Variants in IL1RAPL2 observed in about 807,000 individuals in gnomAD.
The protein encoded by IL1RAPL2 is interleukin 1 receptor accessory protein like 2.
A neutral mutation model predicts 44.1 loss-of-function variants in IL1RAPL2; 3 were observed. The ratio of observed to expected loss-of-function variants is 0.07; its 90% CI spans 0.03 to 0.18. IL1RAPL2 has a LOEUF of 0.18. Among genes scored for constraint, IL1RAPL2 ranks in the 10% least tolerant of loss-of-function variants. The pLI is 1.00. For missense variants in IL1RAPL2, 391 were observed against 496.4 expected (o/e 0.79, Z 2.02); for synonymous variants, 181 against 178.8 (o/e 1.01, Z -0.10).
intron 2 of IL1RAPL2, among the ~76,000 whole-genome samples, chrX:104,956,882 A>G (rs2029912411): frequency 9.0e-6 from 1 of 111,546 alleles, no homozygotes; most frequent in Non-Finnish European, 1.9e-5. Flanking sequence ...CTTAAAAAAA[A>G]TTGTAAACCA....
rs367994961 is a variant in IL1RAPL2 at position 105,453,085 on chromosome X, C to A, written c.698-31228C>A. Among the ~76,000 whole-genome samples, 67 of 111,772 alleles carry A rather than the reference C, an allele frequency of 6.0e-4. 1 individual carries two copies. The South Asian group carries it at 0.024, about 40-fold the overall frequency. On this transcript the variant is annotated intron_variant, in intron 5 of 10. Transcript: ENST00000372582. The stretch of plus-strand genomic sequence containing the variant: ...GAGTAACACTGAGATATTCAATGTA[C>A]CCTACCTCCACTGGGAAGTGAAACT...
Position 105,363,277 on chromosome X carries a change from GTATATATATATAATATATA to G in IL1RAPL2, c.697+95768_697+95786del, listed in dbSNP as rs1237535948. On this transcript the variant is annotated intron_variant, in intron 5 of 10. Transcript: ENST00000372582. ...TATACATGTGTTTATATATATGTGT[GTATATATATATAATATATA>G]TATATATATATAATATATATATATA... Among the ~76,000 whole-genome samples, 253 of 81,046 alleles carry G rather than the reference GTATATATATATAATATATA, an allele frequency of 3.1e-3. 2 individuals carry two copies. The highest frequency in any genetic ancestry group is 0.026 in the Middle Eastern group (4 of 152). 70.4% of individuals were successfully genotyped at this position (81,046 alleles called of 115,157 possible).
intron 1 of IL1RAPL2, among the ~76,000 whole-genome samples, chrX:104,615,719 T>C (rs1291226984): frequency 8.9e-6 from 1 of 112,326 alleles, no homozygotes; most frequent in Non-Finnish European, 1.9e-5. Flanking sequence ...ATAGAATGAT[T>C]TATATTCCTT....
chrX:104,785,647 T>A (rs1932794518), intron 2 of IL1RAPL2, among the ~76,000 whole-genome samples: 1 of 111,752 alleles, frequency 8.9e-6, no homozygotes, highest in Non-Finnish European at 1.9e-5. Context: ...CTGCTAGCAT[T>A]TTAAATGCCA....
chrX:105,419,225 A>G (rs143331122), intron 5 of IL1RAPL2, among the ~76,000 whole-genome samples: 3,549 of 111,446 alleles, frequency 0.032, 147 homozygotes, highest in African/African-American at 0.11. Context: ...ATACTGGTAC[A>G]TTTTTCCATA....
rs1327319761 is a variant in IL1RAPL2 at position 105,481,222 on chromosome X, T to G, written c.698-3091T>G. 4.5e-5 allele frequency among the ~76,000 whole-genome samples: 5 copies of G among 112,174 alleles called. No homozygotes were observed. In the East Asian group the frequency reaches 1.4e-3, roughly 31 times the overall value. On this transcript the variant is annotated intron_variant, in intron 5 of 10. Coordinates refer to ENST00000372582, the MANE Select transcript of IL1RAPL2 (RefSeq NM_017416.2). ...CTTATATCCTGTTTTCCTATTCATC[T>G]TGCAAGTGGGGGCTTTTGGTCCCAA...
chrX:104,820,697 G>A (rs1921278062), intron 2 of IL1RAPL2, among the ~76,000 whole-genome samples: 1 of 111,966 alleles, frequency 8.9e-6, no homozygotes, highest in African/African-American at 3.2e-5. Context: ...CTGTAGCACT[G>A]CCAGAAACTC....
At chrX:105,720,989 C>T (rs1169470642) in intron 7 of IL1RAPL2, among the ~76,000 whole-genome samples, 1 of 110,318 alleles carries the variant, frequency 9.1e-6, no homozygotes, top group East Asian at 2.9e-4. Flanking sequence ...TATGTGCATA[C>T]AAAGACATGT....
Position 104,658,903 on chromosome X carries a change from A to C in IL1RAPL2, c.-11A>C. On this transcript the variant is annotated 5_prime_UTR_variant, in exon 2 of 11. Coordinates refer to ENST00000372582, the MANE Select transcript of IL1RAPL2 (RefSeq NM_017416.2). ...TTTTTTTGACTTTTCAGCTGTCAAG[A>C]AAAGTGAAGGATGAAGCCACCATTT... 11 of 1,194,137 alleles carry C rather than the reference A, an allele frequency of 9.2e-6. No homozygotes were observed. Among genetic ancestry groups the C allele is most frequent in the Non-Finnish European group, 1.2e-5 (11 of 881,673 alleles).
chrX:105,454,675 T>C (rs1390295241), intron 5 of IL1RAPL2, among the ~76,000 whole-genome samples: 2 of 111,539 alleles, frequency 1.8e-5, no homozygotes, highest in Admixed American at 1.9e-4. Flanking sequence ...ATCTAACTTA[T>C]ATAGCTTATA....
chrX:105,286,394 T>G (rs1476570589), intron 5 of IL1RAPL2, among the ~76,000 whole-genome samples: 1 of 109,431 alleles, frequency 9.1e-6, no homozygotes, highest in African/African-American at 3.3e-5. Flanking sequence ...TCATTATGAC[T>G]GTTATTTACT....
chrX:104,685,852 C>A (rs1430610870), intron 2 of IL1RAPL2, among the ~76,000 whole-genome samples: 1 of 109,537 alleles, frequency 9.1e-6, no homozygotes, highest in South Asian at 4.0e-4. Context: ...GGCGGGAACT[C>A]GAGAGGTGGA....
rs1330020718 is a variant in IL1RAPL2, at chrX:105,670,121, ATATATATATATATATATATATATAT to A, written c.773-47245_773-47221del. On this transcript the variant is annotated intron_variant, in intron 6 of 10. Transcript: ENST00000372582. ...GGGTTTCCTGTATATATATATATATATATATATATATATATATATATATATATCTCCACCAGACCACACAGTCTTG... is the reference window on the plus strand; with the variant it reads ...GGGTTTCCTGTATATATATATATATAATCTCCACCAGACCACACAGTCTTG... Among the ~76,000 whole-genome samples, 28 of 41,001 alleles carry A rather than the reference ATATATATATATATATATATATATAT, an allele frequency of 6.8e-4. 1 individual carries two copies. The highest frequency in any genetic ancestry group is 9.3e-4 in the Non-Finnish European group (20 of 21,406). 35.6% of individuals were successfully genotyped at this position (41,001 alleles called of 115,157 possible). A position where few individuals can be genotyped will look rare whatever the true frequency, so the allele number is the denominator to read the frequency against.
chrX:104,866,924 A>G (rs575958812), intron 2 of IL1RAPL2, among the ~76,000 whole-genome samples: 1 of 111,259 alleles, frequency 9.0e-6, no homozygotes, highest in South Asian at 3.8e-4. Flanking sequence ...CCTAGTATAT[A>G]GCAAAGATTC....
At chrX:105,423,881 A>AT (rs2035790289) in intron 5 of IL1RAPL2, among the ~76,000 whole-genome samples, 1 of 109,442 alleles carries the variant, frequency 9.1e-6, no homozygotes, top group African/African-American at 3.3e-5. Context: ...AAAAAAAAAA[A>AT]GGGTGTTGAC....
intron 3 of IL1RAPL2, among the ~76,000 whole-genome samples, chrX:105,212,130 G>GTGAGCGGGAGT (rs782778355): frequency 3.6e-5 from 4 of 111,937 alleles, no homozygotes; most frequent in Non-Finnish European, 5.6e-5. Flanking sequence ...TCACTCCCCT[G>GTGAGCGGGAGT]GAAAGGGGGC....
chrX:105,657,532 G>T (rs926105649), intron 6 of IL1RAPL2, among the ~76,000 whole-genome samples: 1 of 112,130 alleles, frequency 8.9e-6, no homozygotes, highest in Non-Finnish European at 1.9e-5. Flanking sequence ...GACTTGAGAG[G>T]TATGTCTTAC....
intron 1 of IL1RAPL2, among the ~76,000 whole-genome samples, chrX:104,616,622 G>A (rs1929284747): frequency 8.9e-6 from 1 of 111,810 alleles, no homozygotes; most frequent in Non-Finnish European, 1.9e-5. Flanking sequence ...GGATCAGCTG[G>A]CACTACCCAG....
chrX:105,676,646 G>A (rs1429408019), intron 6 of IL1RAPL2, among the ~76,000 whole-genome samples: 4 of 112,031 alleles, frequency 3.6e-5, no homozygotes, highest in African/African-American at 9.7e-5. Context: ...ACCTGCTAAA[G>A]GTTACTGCTA....
Sources: allele counts gnomAD v4.1 joint callset (sites outside exome capture counted in the v4.1 genomes callset), GRCh38; gene constraint gnomAD v4.1.1; transcripts MANE v1.5; gene names NCBI Gene and HGNC (gene_info 2026-07-23, HGNC 2026-07-21).